The following ACTR3C variants were observed in gnomAD, a reference collection of about 807,000 sequenced individuals.
The protein encoded by ACTR3C is actin related protein 3C, also known as actin-related protein 3C.
ACTR3C carries 18 observed loss-of-function variants against 26.3 expected under a neutral mutation model. The observed-to-expected ratio is 0.68, with a 90% confidence interval of 0.47 to 1.01. The LOEUF (loss-of-function observed/expected upper bound fraction) is 1.01. Ranked by LOEUF, ACTR3C falls within the 50% of genes least tolerant of loss-of-function variation. The pLI is 0.00. For missense variants in ACTR3C, 184 were observed against 250.7 expected (o/e 0.73, Z 1.80); for synonymous variants, 55 against 94.5 (o/e 0.58, Z 2.42).
At chr7:150,034,923 G>T in the ACTR3C span, among the ~76,000 whole-genome samples, 29 of 147,110 alleles carry the variant, frequency 2.0e-4, no homozygotes, top group Admixed American at 6.8e-4. Context: ...CTGCGATGGG[G>T]GTACTAACAG....
chr7:150,318,693 C>T (rs536473086), intron 1 of ACTR3C, among the ~76,000 whole-genome samples: 24 of 152,260 alleles, frequency 1.6e-4, no homozygotes, highest in East Asian at 7.7e-4. Context: ...ACCCGAAGAG[C>T]CGAGATCGCA....
intron 1 of ACTR3C, among the ~76,000 whole-genome samples, chr7:150,312,764 A>G (rs544258314): frequency 6.6e-6 from 1 of 152,234 alleles, no homozygotes; most frequent in African/African-American, 2.4e-5. Flanking sequence ...AAAAACCGAT[A>G]TTTTCTTCAT....
At chr7:149,884,647 G>A in the ACTR3C span, among the ~76,000 whole-genome samples, 1 of 152,098 alleles carries the variant, frequency 6.6e-6, no homozygotes, top group African/African-American at 2.4e-5. Flanking sequence ...TGGAATTCTG[G>A]GATGGAAGCC....
the ACTR3C span, among the ~76,000 whole-genome samples, chr7:150,117,057 C>T: frequency 6.6e-6 from 1 of 152,228 alleles, no homozygotes; most frequent in Non-Finnish European, 1.5e-5. Flanking sequence ...CAGCCCAATA[C>T]TAGGCTTTTC....
the ACTR3C span, among the ~76,000 whole-genome samples, chr7:150,204,754 G>A: frequency 6.6e-6 from 1 of 152,020 alleles, no homozygotes; most frequent in Non-Finnish European, 1.5e-5. Flanking sequence ...AACAGGCCAG[G>A]GAGGACCAGC....
At chr7:150,094,006 G>A in the ACTR3C span, among the ~76,000 whole-genome samples, 1 of 150,508 alleles carries the variant, frequency 6.6e-6, no homozygotes, top group African/African-American at 2.5e-5. Context: ...TTTCTGGTGA[G>A]GAGAGGAAGC....
chr7:150,008,770 C>A, the ACTR3C span, among the ~76,000 whole-genome samples: 1 of 150,896 alleles, frequency 6.6e-6, no homozygotes, highest in South Asian at 2.1e-4. Flanking sequence ...ACTTGACTTC[C>A]CCAGGCAGGA....
At chr7:150,078,345 C>T in the ACTR3C span, among the ~76,000 whole-genome samples, 1 of 147,332 alleles carries the variant, frequency 6.8e-6, no homozygotes, top group South Asian at 2.3e-4. Flanking sequence ...CATGGTCAAG[C>T]AGCTTTTCAA....
the ACTR3C span, among the ~76,000 whole-genome samples, chr7:150,012,473 C>A: frequency 6.6e-6 from 1 of 151,834 alleles, no homozygotes; most frequent in African/African-American, 2.4e-5. Flanking sequence ...CACCACCATG[C>A]CCGGCTAATT....
At chr7:150,046,318 G>C in the ACTR3C span, among the ~76,000 whole-genome samples, 2 of 111,874 alleles carry the variant, frequency 1.8e-5, no homozygotes, top group African/African-American at 3.3e-5. Context: ...ATTAGGAATT[G>C]TCCCTGGGAA....
chr7:150,167,335 T>C, the ACTR3C span, among the ~76,000 whole-genome samples: 1 of 150,732 alleles, frequency 6.6e-6, no homozygotes, highest in African/African-American at 2.5e-5. Flanking sequence ...CTATTTTTTG[T>C]CTAAAAAGGA....
the ACTR3C span, among the ~76,000 whole-genome samples, chr7:150,009,130 C>T: frequency 6.6e-6 from 1 of 152,246 alleles, no homozygotes; most frequent in Non-Finnish European, 1.5e-5. Context: ...AGAGCAAAGC[C>T]CTAAAAGATA....
the ACTR3C span, among the ~76,000 whole-genome samples, chr7:150,222,221 G>T: frequency 6.6e-6 from 1 of 152,190 alleles, no homozygotes; most frequent in Non-Finnish European, 1.5e-5. Context: ...GAATATGAAG[G>T]CTCAGCTTGG....
chr7:150,103,300 G>C, the ACTR3C span, among the ~76,000 whole-genome samples: 6 of 151,980 alleles, frequency 3.9e-5, no homozygotes, highest in East Asian at 1.2e-3. Flanking sequence ...TGAAGACTCA[G>C]ACATAATGGG....
intron 6 of ACTR3C, among the ~76,000 whole-genome samples, chr7:150,282,467 T>C (rs1835425453): frequency 6.7e-6 from 1 of 148,926 alleles, no homozygotes; most frequent in Non-Finnish European, 1.5e-5. Flanking sequence ...TTCAGCTATG[T>C]GACAAACGAG....
At chr7:150,314,535 G>C (rs1796638459) in intron 1 of ACTR3C, among the ~76,000 whole-genome samples, 1 of 152,160 alleles carries the variant, frequency 6.6e-6, no homozygotes, top group Non-Finnish European at 1.5e-5. Flanking sequence ...AAGACAGGGA[G>C]ATGTGTGAAG....
the ACTR3C span, among the ~76,000 whole-genome samples, chr7:150,143,159 T>C: frequency 3.9e-5 from 6 of 151,914 alleles, no homozygotes; most frequent in African/African-American, 1.5e-4. Flanking sequence ...TGTGATAGGG[T>C]AGAAAATTGA....
At chr7:149,926,679 C>T in the ACTR3C span, among the ~76,000 whole-genome samples, 4 of 152,166 alleles carry the variant, frequency 2.6e-5, no homozygotes, top group Admixed American at 2.6e-4. Flanking sequence ...CTCCACCCCA[C>T]ATCTTTTCCC....
chr7:150,014,014 T>C, the ACTR3C span, among the ~76,000 whole-genome samples: 1 of 152,140 alleles, frequency 6.6e-6, no homozygotes. Flanking sequence ...ATATTTCTTC[T>C]GCAAGGAGGG....
Sources: allele counts gnomAD v4.1 joint callset (sites outside exome capture counted in the v4.1 genomes callset), GRCh38; gene constraint gnomAD v4.1.1; transcripts MANE v1.5; gene names NCBI Gene and HGNC (gene_info 2026-07-23, HGNC 2026-07-21).